Variants in TJP2 observed in about 807,000 individuals in gnomAD.
TJP2 encodes tight junction protein 2.
Under a neutral mutation model 133.1 loss-of-function variants are expected in TJP2, and 91 were observed. The ratio of observed to expected loss-of-function variants is 0.68; its 90% CI spans 0.58 to 0.81. TJP2 has a LOEUF of 0.81. Among genes scored for constraint, TJP2 ranks in the 40% least tolerant of loss-of-function variants. The pLI, the probability that TJP2 is intolerant of heterozygous loss-of-function variation, is 0.00. For missense variants in TJP2, 1,541 were observed against 1,565.6 expected (o/e 0.98, Z 0.26); for synonymous variants, 592 against 583.4 (o/e 1.01, Z -0.21).
chr9:69,165,285 G>A (rs1269370531), intron 2 of TJP2, among the ~76,000 whole-genome samples: 2 of 152,108 alleles, frequency 1.3e-5, no homozygotes, highest in Non-Finnish European at 2.9e-5. Context: ...GTGCCATCAC[G>A]CTAGCTCATT....
chr9:69,203,607 A>AGTTTTTTTTT (rs1483893657), intron 1 of TJP2, among the ~76,000 whole-genome samples: 1 of 67,860 alleles, frequency 1.5e-5, no homozygotes, highest in Non-Finnish European at 2.5e-5. Flanking sequence ...CCCAGCCTGG[A>AGTTTTTTTTT]TTTTTTTTTT....
chr9:69,227,017 C>T (rs1016415474), intron 7 of TJP2, among the ~76,000 whole-genome samples: 3 of 152,086 alleles, frequency 2.0e-5, no homozygotes, highest in African/African-American at 7.2e-5. Flanking sequence ...TAAAAATTGC[C>T]AATAAAAATA....
chr9:69,223,088 A>AG (rs1415772443), intron 5 of TJP2, among the ~76,000 whole-genome samples: 118 of 131,652 alleles, frequency 9.0e-4, no homozygotes, highest in Non-Finnish European at 2.0e-4. Flanking sequence ...AAAAAAAAAA[A>AG]AAAGAAACCA....
intron 6 of TJP2, 122 bp from the exon 7 acceptor site, chr9:69,225,900 C>A: frequency 9.3e-7 from 1 of 1,072,780 alleles, no homozygotes; most frequent in Admixed American, 2.2e-5. Context: ...TTGAGTCATC[C>A]TAAAGCCAAT....
At chr9:69,236,309 T>G in intron 13 of TJP2, 71 bp downstream of exon 13, 6 of 1,488,204 alleles carry the variant, frequency 4.0e-6, no homozygotes, top group Non-Finnish European at 5.6e-6. Flanking sequence ...ACCGCCCCCC[T>G]TCCCCCGTAA....
At chr9:69,174,529 C>A in intron 1 of TJP2, 97 bp downstream of exon 1, 1 of 1,331,890 alleles carries the variant, frequency 7.5e-7, no homozygotes, top group Non-Finnish European at 1.1e-6. Context: ...TGAAGTTGTT[C>A]CCCGATGCGC....
intron 1 of TJP2, among the ~76,000 whole-genome samples, chr9:69,193,161 C>A (rs570489185): frequency 2.2e-4 from 33 of 152,198 alleles, no homozygotes; most frequent in African/African-American, 7.0e-4. Context: ...GACGATTCAC[C>A]CACCTTGGCC....
chr9:69,224,609 A>G (rs7866592), intron 5 of TJP2, among the ~76,000 whole-genome samples: 21,085 of 152,198 alleles, frequency 0.14, 1,754 homozygotes, highest in Non-Finnish European at 0.18. Context: ...CCTGGGAGGC[A>G]GAGGTTGCAG....
intron 17 of TJP2, among the ~76,000 whole-genome samples, chr9:69,243,250 A>C (rs1830693087): frequency 6.6e-6 from 1 of 152,262 alleles, no homozygotes; most frequent in African/African-American, 2.4e-5. Flanking sequence ...TGATGAACAC[A>C]GTAATTTGAA....
intron 4 of TJP2, among the ~76,000 whole-genome samples, chr9:69,219,181 C>T (rs1237288248): frequency 6.6e-6 from 1 of 152,154 alleles, no homozygotes; most frequent in Non-Finnish European, 1.5e-5. Context: ...GTTGGTCAGG[C>T]TGGTCCCGAA....
At position 69,249,432 on chromosome 9, in the gene TJP2, G is replaced by A. The variant is rs775659201; in HGVS notation, c.2938G>A (p.Asp980Asn). The A allele has an allele frequency of 1.1e-5, 18 of 1,611,578 alleles. No individual in the cohort carries two copies. Among genetic ancestry groups the A allele is most frequent in the African/African-American group, 1.1e-4 (8 of 74,884 alleles). Residue 980 changes from aspartate (D) to asparagine (N), a missense_variant, in exon 20 of 23, where the codon GAT (aspartate) becomes AAT (asparagine). Coordinates refer to ENST00000377245, the MANE Select transcript of TJP2 (RefSeq NM_004817.4). ...RAQMRRAASS[D>N]QLRDNSPPPA... is the part of the protein sequence containing the mutation. ...TCAGATGAGGAGGGCTGCTAGCAGC[G>A]ATCAACTTAGGGACAATAGCCCGCC...
At chr9:69,252,151 C>A (rs1025392008) in intron 21 of TJP2, among the ~76,000 whole-genome samples, 1 of 152,018 alleles carries the variant, frequency 6.6e-6, no homozygotes, top group African/African-American at 2.4e-5. Flanking sequence ...CATGCCACTG[C>A]ACCCAGCTAA....
At chr9:69,248,630 C>T (rs530435650) in intron 19 of TJP2, 18 of 1,096,104 alleles carry the variant, frequency 1.6e-5, no homozygotes, top group Admixed American at 9.8e-5. Context: ...TTTAACCTTT[C>T]TAATCTTGCC....
intron 22 of TJP2, chr9:69,253,726 T>G: frequency 4.1e-6 from 1 of 245,478 alleles, no homozygotes; most frequent in Non-Finnish European, 8.1e-6. Context: ...ATTACAGGTG[T>G]GAACCACTGT....
At chr9:69,143,340 CTTG>C (rs1823085497) in intron 1 of TJP2, among the ~76,000 whole-genome samples, 1 of 152,282 alleles carries the variant, frequency 6.6e-6, no homozygotes, top group South Asian at 2.1e-4. Context: ...TTGATTTTTT[CTTG>C]TTGTTAGCTC....
intron 2 of TJP2, among the ~76,000 whole-genome samples, chr9:69,153,072 T>A (rs114322159): frequency 0.015 from 2,335 of 150,958 alleles, 42 homozygotes; most frequent in African/African-American, 0.051. Flanking sequence ...TAAAAAAAAA[T>A]AATAATAATA....
At chr9:69,192,630 T>C (rs1826279336) in intron 1 of TJP2, among the ~76,000 whole-genome samples, 2 of 152,224 alleles carry the variant, frequency 1.3e-5, no homozygotes, top group African/African-American at 4.8e-5. Context: ...GTTTCTTCCT[T>C]CAATATGTTC....
Position 69,225,363 on chromosome 9 carries a change from G to A in TJP2, c.1012G>A (p.Ala338Thr). 2 of 1,613,974 alleles carry A rather than the reference G, an allele frequency of 1.2e-6. No homozygotes were observed. Among genetic ancestry groups the A allele is most frequent in the Middle Eastern group, 1.6e-4 (1 of 6,062 alleles). The change falls in exon 6 of 23, where the codon GCA (alanine) becomes ACA (threonine). Residue 338 changes from alanine (A) to threonine (T), a missense_variant. Ala to Thr is a moderately conservative substitution (Grantham distance 58, BLOSUM62 0). Transcript: ENST00000377245. ...AAAGGAAATGACCCGAACGGGTCTG[G>A]CAACTAAAGATGGCAACCTTCACGA... Reference protein sequence around the residue: ...FVKEMTRTGLATKDGNLHEGD... With the variant: ...FVKEMTRTGLTTKDGNLHEGD...
intron 1 of TJP2, among the ~76,000 whole-genome samples, chr9:69,194,803 G>A (rs1738469804): frequency 2.0e-5 from 3 of 152,158 alleles, no homozygotes; most frequent in Admixed American, 6.5e-5. Context: ...TCCAAGTTAG[G>A]GCTTGAGATT....
Sources: gnomAD v4.1 joint callset for allele counts (sites outside exome capture counted in the v4.1 genomes callset) on GRCh38, gnomAD v4.1.1 for gene constraint, MANE v1.5 for transcripts, NCBI Gene and HGNC (gene_info 2026-07-23, HGNC 2026-07-21) for gene names.